The following OPCML variants were observed in gnomAD, a reference collection of about 807,000 sequenced individuals.
OPCML encodes opioid binding protein/cell adhesion molecule like.
A neutral mutation model predicts 37.8 loss-of-function variants in OPCML; 13 were observed. The ratio of observed to expected loss-of-function variants is 0.34; its 90% CI spans 0.22 to 0.55. The LOEUF is 0.55. Among genes scored for constraint, OPCML ranks in the 20% least tolerant of loss-of-function variants. The probability of loss-of-function intolerance (pLI) is 0.91; values close to 1 mark genes in which losing one functional copy is unlikely to be tolerated. For missense variants in OPCML, 341 were observed against 435.6 expected, an observed-to-expected ratio of 0.78 and a Z score of 1.93; for synonymous variants, 176 against 168.8, an observed-to-expected ratio of 1.04 and a Z score of -0.33.
At chr11:133,519,340 T>C (rs1467399224) in intron 1 of OPCML, among the ~76,000 whole-genome samples, 2 of 152,232 alleles carry the variant, frequency 1.3e-5, no homozygotes, top group Non-Finnish European at 2.9e-5. Context: ...TATGCATTAA[T>C]TTATTTGTGA....
intron 1 of OPCML, among the ~76,000 whole-genome samples, chr11:133,455,182 A>C (rs1279111264): frequency 6.6e-6 from 1 of 152,204 alleles, no homozygotes; most frequent in Non-Finnish European, 1.5e-5. Flanking sequence ...CTGATTTTTC[A>C]TAGATTTAAA....
At position 133,109,058 on chromosome 11, in the gene OPCML, G is replaced by A. The variant is rs143469615; in HGVS notation, c.62-166048C>T. Among the ~76,000 whole-genome samples, 806 of 152,192 alleles carry A rather than the reference G, an allele frequency of 5.3e-3. 7 individuals are homozygous for A. Among genetic ancestry groups the A allele is most frequent in the African/African-American group, 0.018 (740 of 41,530 alleles). On this transcript the variant is annotated intron_variant, in intron 1 of 7. Coordinates refer to ENST00000524381, the MANE Select transcript of OPCML (RefSeq NM_001012393.5). ...AATGTCTTTACTGGGTTTCCTGGCC[G>A]CTCTTTCTATTTTTCATGAGGTTAA...
At chr11:132,751,051 A>T (rs1454767880) in intron 2 of OPCML, among the ~76,000 whole-genome samples, 1 of 152,216 alleles carries the variant, frequency 6.6e-6, no homozygotes, top group Non-Finnish European at 1.5e-5. Flanking sequence ...TCTCTTCAAA[A>T]TGTGATCATG....
chr11:132,422,420 G>T (rs889442932), intron 7 of OPCML, among the ~76,000 whole-genome samples: 4 of 152,192 alleles, frequency 2.6e-5, no homozygotes, highest in African/African-American at 9.7e-5. Flanking sequence ...GTGAGCAGCA[G>T]TTGCCATCGG....
chr11:133,289,348 C>T (rs1173784330), intron 1 of OPCML, among the ~76,000 whole-genome samples: 16 of 152,088 alleles, frequency 1.1e-4, no homozygotes, highest in African/African-American at 4.8e-5. Flanking sequence ...GTAATCCCAG[C>T]ACTTTGGGAG....
At chr11:133,404,966 A>G (rs998960982) in intron 1 of OPCML, among the ~76,000 whole-genome samples, 1 of 152,250 alleles carries the variant, frequency 6.6e-6, no homozygotes, top group African/African-American at 2.4e-5. Flanking sequence ...TTGACATTTT[A>G]GAGTTTCATT....
Position 132,968,860 on chromosome 11 carries a change from C to T in OPCML, c.62-25850G>A, listed in dbSNP as rs973315675. 1.3e-5 allele frequency among the ~76,000 whole-genome samples: 2 copies of T among 152,146 alleles called. 1 individual carries two copies. Among genetic ancestry groups the T allele is most frequent in the Non-Finnish European group, 2.9e-5 (2 of 68,030 alleles). ...TACTTCCTCCTTCCCTATTAATATG[C>T]TTTTCTTCCCTTTTCTTGTCTTGGA... On this transcript the variant is annotated intron_variant, in intron 1 of 7. Transcript: ENST00000524381.
At chr11:132,598,798 A>C (rs1430801122) in intron 3 of OPCML, among the ~76,000 whole-genome samples, 4 of 152,138 alleles carry the variant, frequency 2.6e-5, no homozygotes, top group African/African-American at 9.7e-5. Context: ...AATATTTGTG[A>C]GCATCTTCTA....
intron 4 of OPCML, among the ~76,000 whole-genome samples, chr11:132,477,772 A>C (rs908203240): frequency 1.3e-5 from 2 of 152,150 alleles, no homozygotes; most frequent in African/African-American, 4.8e-5. Context: ...ACATAGACTG[A>C]TGTATTAAGG....
At chr11:133,232,953 G>A (rs2136391586) in intron 1 of OPCML, among the ~76,000 whole-genome samples, 1 of 152,294 alleles carries the variant, frequency 6.6e-6, no homozygotes, top group Non-Finnish European at 1.5e-5. Flanking sequence ...ATGGCATCAG[G>A]GGTGCTGTTT....
chr11:132,769,116 G>A (rs1243983849), intron 2 of OPCML, among the ~76,000 whole-genome samples: 3 of 151,204 alleles, frequency 2.0e-5, no homozygotes, highest in Non-Finnish European at 2.9e-5. Flanking sequence ...CACTGGGAAC[G>A]GGAAAGGGGG....
At chr11:133,224,417 G>T (rs542970979) in intron 1 of OPCML, among the ~76,000 whole-genome samples, 10 of 152,298 alleles carry the variant, frequency 6.6e-5, no homozygotes, top group Non-Finnish European at 1.5e-4. Context: ...GGCTTGTTCC[G>T]CTGTTCTTCA....
chr11:132,825,385 A>G (rs1940243880), intron 2 of OPCML, among the ~76,000 whole-genome samples: 1 of 152,180 alleles, frequency 6.6e-6, no homozygotes, highest in African/African-American at 2.4e-5. Flanking sequence ...TCCTTCCATC[A>G]AAGCCCCATT....
At chr11:132,946,640 G>A (rs772049703) in intron 1 of OPCML, among the ~76,000 whole-genome samples, 1 of 152,122 alleles carries the variant, frequency 6.6e-6, no homozygotes, top group Admixed American at 6.5e-5. Context: ...TGATCCACTG[G>A]GTTAGGTCCT....
At chr11:133,162,751 G>A (rs1418452130) in intron 1 of OPCML, among the ~76,000 whole-genome samples, 1 of 152,204 alleles carries the variant, frequency 6.6e-6, no homozygotes, top group Non-Finnish European at 1.5e-5. Context: ...TTCCCCTTCT[G>A]CTACGGGCTT....
chr11:133,112,228 A>G (rs1949264732), intron 1 of OPCML, among the ~76,000 whole-genome samples: 1 of 136,246 alleles, frequency 7.3e-6, no homozygotes, highest in Non-Finnish European at 1.5e-5. Flanking sequence ...TTATATTTCA[A>G]AATTTTTTCT....
chr11:132,630,593 T>G (rs963985248), intron 3 of OPCML, among the ~76,000 whole-genome samples: 1 of 152,132 alleles, frequency 6.6e-6, no homozygotes. Context: ...CACTACATAC[T>G]AGAATAATTA....
intron 1 of OPCML, among the ~76,000 whole-genome samples, chr11:133,522,537 C>G (rs1948415288): frequency 6.6e-6 from 1 of 152,172 alleles, no homozygotes; most frequent in African/African-American, 2.4e-5. Context: ...CTTGGAGCTA[C>G]CTTGTTCCAC....
intron 1 of OPCML, among the ~76,000 whole-genome samples, chr11:133,063,841 G>C: frequency 6.6e-6 from 1 of 152,068 alleles, no homozygotes. Context: ...GGATTACAGG[G>C]GTGAGCCACT....
Sources: allele counts gnomAD v4.1 joint callset (sites outside exome capture counted in the v4.1 genomes callset), GRCh38; gene constraint gnomAD v4.1.1; transcripts MANE v1.5; gene names NCBI Gene and HGNC (gene_info 2026-07-23, HGNC 2026-07-21).